Variants in CHD9 observed in about 807,000 individuals in gnomAD.
The protein encoded by CHD9 is chromodomain helicase DNA binding protein 9.
In CHD9, 77 loss-of-function variants were observed where a neutral mutation model predicts 316.1. The observed-to-expected ratio is 0.24, with a 90% CI of 0.20 to 0.29. CHD9 has a LOEUF of 0.29. CHD9 is among the 10% of genes least tolerant of loss of function. The probability of loss-of-function intolerance (pLI) is 1.00; values close to 1 mark genes in which losing one functional copy is unlikely to be tolerated. For synonymous variants in CHD9, 1,129 were observed against 1,158.3 expected, an observed-to-expected ratio of 0.97 and a Z score of 0.51; for missense variants, 2,763 against 3,438.1, an observed-to-expected ratio of 0.80 and a Z score of 4.91.
chr16:53,078,267 C>T (rs2034722560), intron 1 of CHD9, among the ~76,000 whole-genome samples: 1 of 152,010 alleles, frequency 6.6e-6, no homozygotes, highest in African/African-American at 2.4e-5. Context: ...TAAGGTGGGA[C>T]CTTTAAGAGG....
chr16:53,255,282 A>C lies in CHD9; in HGVS notation c.4030-318A>C, dbSNP rs577490812. 2.0e-4 allele frequency among the ~76,000 whole-genome samples: 31 copies of C among 152,310 alleles called. No individual in the cohort carries two copies. In the South Asian group the frequency reaches 6.4e-3, roughly 32 times the overall value. ...TGTGTTTACACCACTGCACTCTAGCATGGATAACAGAGCAAGACCCTGTCT... is the reference window on the plus strand; with the variant it reads ...TGTGTTTACACCACTGCACTCTAGCCTGGATAACAGAGCAAGACCCTGTCT... On this transcript the variant is annotated intron_variant, in intron 18 of 38. Coordinates refer to ENST00000447540, the MANE Select transcript of CHD9 (RefSeq NM_001308319.2).
chr16:53,113,437 C>T (rs931406863), intron 1 of CHD9, among the ~76,000 whole-genome samples: 1 of 150,008 alleles, frequency 6.7e-6, no homozygotes. Context: ...CTCAGCCTCC[C>T]GAGTAGCTGG....
intron 2 of CHD9, among the ~76,000 whole-genome samples, chr16:53,192,662 A>C (rs2044569753): frequency 6.6e-6 from 1 of 152,174 alleles, no homozygotes; most frequent in Non-Finnish European, 1.5e-5. Context: ...CCCTAACCCT[A>C]GACCCTGGCA....
Position 53,084,545 on chromosome 16 carries a change from C to T in CHD9, c.-165+29468C>T, listed in dbSNP as rs753855652. ...GGATCATGAGGTCAGGAGATCGAAA[C>T]GATCCTGGCCAATATGGTGAAACCC... On this transcript the variant is annotated intron_variant, in intron 1 of 38. Coordinates refer to ENST00000447540, the MANE Select transcript of CHD9 (RefSeq NM_001308319.2). Among the ~76,000 whole-genome samples the T allele has an allele frequency of 2.1e-4, 32 of 152,280 alleles. No homozygotes were observed. In the South Asian group the frequency reaches 2.9e-3, roughly 14 times the overall value.
In CHD9 at chr16:53,109,706, A is replaced by G. The variant is rs1392228115; in HGVS notation, c.-164-46220A>G. Among the ~76,000 whole-genome samples, 6 of 22,228 alleles carry G rather than the reference A, an allele frequency of 2.7e-4. No homozygotes were observed. In the South Asian group the frequency reaches 7.5e-3, roughly 28 times the overall value. 14.6% of individuals were successfully genotyped at this position (22,228 alleles called of 152,430 possible). On this transcript the variant is annotated intron_variant, in intron 1 of 38. Coordinates refer to ENST00000447540, the MANE Select transcript of CHD9 (RefSeq NM_001308319.2). ...TTTTTTTTTTTTTTTTTTTTTTGAGATGGAGTCTCGCTCCGTCACCCAGGC... is the reference window on the plus strand; with the variant it reads ...TTTTTTTTTTTTTTTTTTTTTTGAGGTGGAGTCTCGCTCCGTCACCCAGGC...
At position 53,160,680 on chromosome 16, in the gene CHD9, G is replaced by A. The variant is rs544816215; in HGVS notation, c.1452+3139G>A. Among the ~76,000 whole-genome samples, 4 of 152,306 alleles carry A rather than the reference G, an allele frequency of 2.6e-5. 1 individual carries two copies. In the South Asian group the frequency reaches 8.3e-4, roughly 32 times the overall value. Reference sequence around the variant, plus strand: ...CCAGAACTTTGGGAGGCCGCGGTGGGTGGATCACCTGAGGTCAGGAGTTCA... The same window carrying A: ...CCAGAACTTTGGGAGGCCGCGGTGGATGGATCACCTGAGGTCAGGAGTTCA... On this transcript the variant is annotated intron_variant, in intron 2 of 38. Transcript: ENST00000447540.
Position 53,297,132 on chromosome 16 carries a change from G to A in CHD9, c.5687G>A (p.Arg1896Lys), listed in dbSNP as rs766606708. 3 of 1,613,658 alleles carry A rather than the reference G, an allele frequency of 1.9e-6. No homozygotes were observed. Among genetic ancestry groups the A allele is most frequent in the Admixed American group, 3.3e-5 (2 of 60,014 alleles). Residue 1896 changes from arginine to lysine, a missense_variant, in exon 30 of 39, where the codon AGG (arginine) becomes AAG (lysine). By Grantham distance (26) the Arg-to-Lys change is conservative (BLOSUM62 2). Coordinates refer to ENST00000447540, the MANE Select transcript of CHD9 (RefSeq NM_001308319.2). ...TACGCATTCATGTCCATGTGTCGGA[G>A]GGTTTGTCGTCTTCCTTCCAAAGAA... ...YLYAFMSMCR[R>K]VCRLPSKEEL...
rs1460278006 is a variant in CHD9, at chr16:53,237,621, A to G, written c.2634-722A>G. On this transcript the variant is annotated intron_variant, in intron 11 of 38. Transcript: ENST00000447540. ...CACTGTGCTCTCTGGCAAAAATGCT[A>G]CTCATTACTGACCTCCTTTCTGAAA... is the stretch of plus-strand genomic sequence containing the variant. Among the ~76,000 whole-genome samples, 3 of 151,968 alleles carry G rather than the reference A, an allele frequency of 2.0e-5. No individual in the cohort carries two copies. In the East Asian group the frequency reaches 5.8e-4, roughly 29 times the overall value.
intron 1 of CHD9, among the ~76,000 whole-genome samples, chr16:53,145,870 G>T (rs11865351): frequency 0.017 from 2,536 of 152,110 alleles, 75 homozygotes; most frequent in African/African-American, 0.057. Flanking sequence ...ACATATAATG[G>T]AATATTAGCC....
chr16:53,253,094 G>A (rs1298172465), intron 17 of CHD9, among the ~76,000 whole-genome samples: 1 of 152,098 alleles, frequency 6.6e-6, no homozygotes, highest in African/African-American at 2.4e-5. Flanking sequence ...AAGATACTTG[G>A]ACACACATGT....
rs2057425988 is a variant in CHD9 at position 53,323,913 on chromosome 16, A to T, written c.7819-107A>T. 5.3e-6 allele frequency: 5 copies of T among 949,230 alleles called. No individual in the cohort carries two copies. The East Asian group carries it at 1.3e-4, about 25-fold the overall frequency. The allele number at this position is 949,230 out of a possible 1,614,324, so 58.8% of individuals were successfully genotyped here. A position where few individuals can be genotyped will look rare whatever the true frequency, so the allele number is the denominator to read the frequency against. On this transcript the variant is annotated intron_variant, in intron 38 of 38. Coordinates refer to ENST00000447540, the MANE Select transcript of CHD9 (RefSeq NM_001308319.2). Reference sequence around the variant, plus strand: ...TGATTATTTAATATCAGTACAGAATAAATTTACAAATAATTACCTATTTTT... The same window carrying T: ...TGATTATTTAATATCAGTACAGAATTAATTTACAAATAATTACCTATTTTT...
intron 30 of CHD9, among the ~76,000 whole-genome samples, chr16:53,297,509 T>C (rs905239120): frequency 2.6e-5 from 4 of 152,210 alleles, no homozygotes; most frequent in African/African-American, 9.6e-5. Context: ...AGAGGGTTTA[T>C]TTACCTGAAT....
chr16:53,221,562 T>G (rs2047235213), intron 3 of CHD9, among the ~76,000 whole-genome samples: 1 of 152,202 alleles, frequency 6.6e-6, no homozygotes, highest in African/African-American at 2.4e-5. Context: ...TAAGGAAATG[T>G]GAGAGTTATG....
intron 24 of CHD9, among the ~76,000 whole-genome samples, chr16:53,275,933 T>C (rs536003619): frequency 6.6e-6 from 1 of 152,270 alleles, no homozygotes; most frequent in East Asian, 1.9e-4. Flanking sequence ...AATCACCTGG[T>C]CATACAGTTG....
chr16:53,130,764 G>A (rs1439236931), intron 1 of CHD9, among the ~76,000 whole-genome samples: 1 of 151,894 alleles, frequency 6.6e-6, no homozygotes, highest in Non-Finnish European at 1.5e-5. Context: ...GAAGGGGAGC[G>A]GCGAAGGGGA....
chr16:53,080,249 T>G (rs567308331), intron 1 of CHD9, among the ~76,000 whole-genome samples: 116 of 152,288 alleles, frequency 7.6e-4, no homozygotes, highest in African/African-American at 2.7e-3. Flanking sequence ...AAGAAGGGTT[T>G]TTTTCTTTTT....
intron 26 of CHD9, among the ~76,000 whole-genome samples, chr16:53,287,553 C>A (rs1416442703): frequency 6.6e-6 from 1 of 152,120 alleles, no homozygotes; most frequent in African/African-American, 2.4e-5. Flanking sequence ...CATGGTGAAA[C>A]CCCGTCTCTA....
At chr16:53,241,389 T>C (rs2049076935) in intron 12 of CHD9, among the ~76,000 whole-genome samples, 1 of 152,216 alleles carries the variant, frequency 6.6e-6, no homozygotes, top group Non-Finnish European at 1.5e-5. Context: ...CTGCACTCAT[T>C]ATCTCACATA....
intron 12 of CHD9, among the ~76,000 whole-genome samples, chr16:53,240,680 A>G (rs1343137257): frequency 6.6e-6 from 1 of 152,130 alleles, no homozygotes; most frequent in African/African-American, 2.4e-5. Flanking sequence ...TAGTACTAAA[A>G]TCATGCTAAA....
Sources: allele counts gnomAD v4.1 joint callset (sites outside exome capture counted in the v4.1 genomes callset), GRCh38; gene constraint gnomAD v4.1.1; transcripts MANE v1.5; gene names NCBI Gene and HGNC (gene_info 2026-07-23, HGNC 2026-07-21).